The following NUDT9 variants were observed in gnomAD, a reference collection of about 807,000 sequenced individuals.
The protein encoded by NUDT9 is ADP-ribose pyrophosphatase.
In NUDT9, 31 loss-of-function variants were observed where a neutral mutation model predicts 41.0. The ratio of observed to expected loss-of-function variants is 0.76; its 90% CI spans 0.57 to 1.02. The LOEUF is 1.02. Ranked by LOEUF, NUDT9 falls within the 50% of genes least tolerant of loss-of-function variation. The pLI is 0.00. For missense variants in NUDT9, 380 were observed against 431.4 expected (o/e 0.88, Z 1.06); for synonymous variants, 146 against 147.6 (o/e 0.99, Z 0.08).
At position 87,457,980 on chromosome 4, in the gene NUDT9, CA is replaced by C; in HGVS notation, c.1013del (p.His338ProfsTer15). On this transcript the variant is annotated frameshift_variant, in exon 8 of 8. Coordinates refer to ENST00000302174, the MANE Select transcript of NUDT9 (RefSeq NM_024047.5). LOFTEE classifies it high-confidence loss of function. ...IKLVAEKRDAHWSEDSEADCH... is the reference protein window; with the variant it reads ...IKLVAEKRDAXWSEDSEADCH... ...ACTTGTGGCTGAGAAACGAGATGCA[CA>C]CTGGAGCGAGGACTCTGAAGCTGAC... 4 of 1,587,270 alleles carry C rather than the reference CA, an allele frequency of 2.5e-6. No individual in the cohort carries two copies. The highest frequency in any genetic ancestry group is 3.4e-6 in the Non-Finnish European group (4 of 1,170,170).
At position 87,422,720 on chromosome 4, in the gene NUDT9, T is replaced by C. The variant is rs1213391411; in HGVS notation, c.-186T>C. The C allele has an allele frequency of 2.1e-5, 10 of 477,480 alleles. No homozygotes were observed. Among genetic ancestry groups the C allele is most frequent in the Admixed American group, 4.2e-5 (1 of 23,950 alleles). The allele number at this position is 477,480 out of a possible 1,614,324, so 29.6% of individuals were successfully genotyped here. Reference sequence around the variant, plus strand: ...CACTGGGGAAAGCGGTGGACTCTTATCGTGGGAGGGCTCTTGATCTGTGAT... The same window carrying C: ...CACTGGGGAAAGCGGTGGACTCTTACCGTGGGAGGGCTCTTGATCTGTGAT... On this transcript the variant is annotated 5_prime_UTR_variant, in exon 1 of 8. Coordinates refer to ENST00000302174, the MANE Select transcript of NUDT9 (RefSeq NM_024047.5).
chr4:87,428,610 T>C (rs1721538313), intron 1 of NUDT9, among the ~76,000 whole-genome samples: 1 of 152,170 alleles, frequency 6.6e-6, no homozygotes, highest in Non-Finnish European at 1.5e-5. Flanking sequence ...AAATGCATAT[T>C]ATTAACTGAA....
chr4:87,457,795 A>G (rs1326460449), intron 7 of NUDT9, 48 bp from the exon 8 acceptor site: 3 of 1,540,904 alleles, frequency 1.9e-6, no homozygotes, highest in Non-Finnish European at 2.7e-6. Flanking sequence ...TAGATATGCT[A>G]AAACAGAAAT....
intron 7 of NUDT9, among the ~76,000 whole-genome samples, chr4:87,456,498 A>G (rs1173414622): frequency 6.6e-6 from 1 of 152,056 alleles, no homozygotes; most frequent in Non-Finnish European, 1.5e-5. Context: ...GTTAGAAAGG[A>G]GAGAGGATTT....
In NUDT9 at chr4:87,457,978, C is replaced by T. The variant is rs1454107042; in HGVS notation, c.1010C>T (p.Ala337Val). The T allele has an allele frequency of 1.3e-5, 21 of 1,586,976 alleles. No individual in the cohort carries two copies. Among genetic ancestry groups the T allele is most frequent in the Non-Finnish European group, 1.7e-5 (20 of 1,170,164 alleles). ...AAACTTGTGGCTGAGAAACGAGATGCACACTGGAGCGAGGACTCTGAAGCT... is the reference window on the plus strand; with the variant it reads ...AAACTTGTGGCTGAGAAACGAGATGTACACTGGAGCGAGGACTCTGAAGCT... The part of the protein sequence containing the change: ...FIKLVAEKRD[A>V]HWSEDSEADC... Residue 337 changes from alanine to valine, a missense_variant, in exon 8 of 8, where the codon GCA becomes GTA. Coordinates refer to ENST00000302174, the MANE Select transcript of NUDT9 (RefSeq NM_024047.5).
chr4:87,431,043 G>A (rs1293783754), intron 1 of NUDT9, among the ~76,000 whole-genome samples: 2 of 152,122 alleles, frequency 1.3e-5, no homozygotes, highest in African/African-American at 4.8e-5. Flanking sequence ...TTGTCAGCAT[G>A]TGTTCCTCTA....
chr4:87,435,548 T>C (rs1052584719), intron 2 of NUDT9, among the ~76,000 whole-genome samples: 6 of 152,258 alleles, frequency 3.9e-5, no homozygotes, highest in Admixed American at 6.5e-5. Context: ...TTTTCATGTG[T>C]TCTATTTGGG....
At chr4:87,425,713 A>G (rs554727319) in intron 1 of NUDT9, among the ~76,000 whole-genome samples, 1,567 of 57,840 alleles carry the variant, frequency 0.027, 26 homozygotes, top group African/African-American at 0.047. Flanking sequence ...TGTCTCTTTG[A>G]AAAAAAAAAA....
intron 7 of NUDT9, among the ~76,000 whole-genome samples, chr4:87,456,545 A>C (rs1008757316): frequency 4.6e-5 from 7 of 152,130 alleles, no homozygotes; most frequent in African/African-American, 1.7e-4. Flanking sequence ...CTTGGAGGTA[A>C]AGCTCACTAA....
At chr4:87,423,621 T>A (rs1397856964) in intron 1 of NUDT9, among the ~76,000 whole-genome samples, 1 of 152,214 alleles carries the variant, frequency 6.6e-6, no homozygotes, top group Non-Finnish European at 1.5e-5. Flanking sequence ...AAGTCTTGAA[T>A]CTACAAAGAT....
At chr4:87,452,394 T>G (rs1453174606) in intron 6 of NUDT9, among the ~76,000 whole-genome samples, 3 of 152,200 alleles carry the variant, frequency 2.0e-5, no homozygotes, top group Admixed American at 6.5e-5. Flanking sequence ...AACATTTACA[T>G]TTTAAATTAT....
chr4:87,441,554 G>T (rs1722201426), intron 3 of NUDT9, among the ~76,000 whole-genome samples: 1 of 152,156 alleles, frequency 6.6e-6, no homozygotes, highest in Admixed American at 6.5e-5. Context: ...TAGGAGTATA[G>T]GTGAAAACTG....
At chr4:87,428,427 CAG>C (rs1247561779) in intron 1 of NUDT9, among the ~76,000 whole-genome samples, 1 of 152,168 alleles carries the variant, frequency 6.6e-6, no homozygotes, top group Non-Finnish European at 1.5e-5. Flanking sequence ...AACCTGCACA[CAG>C]ATGTTTATAG....
rs547820490 is a variant in NUDT9 at position 87,446,653 on chromosome 4, C to G, written c.531-2489C>G. 5.3e-5 allele frequency among the ~76,000 whole-genome samples: 8 copies of G among 152,256 alleles called. No individual in the cohort carries two copies. The South Asian group carries it at 1.2e-3, about 24-fold the overall frequency. ...CCAGGTTCAAAGTTGTGTTTACGCC[C>G]TTGTTAACACTGTAGTCTTGGGGAA... is the stretch of plus-strand genomic sequence containing the variant. On this transcript the variant is annotated intron_variant, in intron 4 of 7. Transcript: ENST00000302174.
intron 4 of NUDT9, among the ~76,000 whole-genome samples, chr4:87,446,547 C>T (rs1268137616): frequency 1.3e-5 from 2 of 152,040 alleles, no homozygotes. Context: ...TTCCTCTTAT[C>T]TAATTAGTGT....
chr4:87,442,733 G>A (rs1209671595), intron 4 of NUDT9, among the ~76,000 whole-genome samples: 1 of 151,958 alleles, frequency 6.6e-6, no homozygotes, highest in Non-Finnish European at 1.5e-5. Flanking sequence ...TAAAAACTAA[G>A]ACACAAACAC....
chr4:87,424,711 A>G (rs78401731), intron 1 of NUDT9, among the ~76,000 whole-genome samples: 2,177 of 152,000 alleles, frequency 0.014, 48 homozygotes, highest in African/African-American at 0.05. Context: ...CCCTTTATCT[A>G]TCTTTATCTT....
At chr4:87,441,642 G>A (rs550772499) in intron 3 of NUDT9, among the ~76,000 whole-genome samples, 187 bp from the exon 4 acceptor site, 3 of 152,252 alleles carry the variant, frequency 2.0e-5, no homozygotes, top group Non-Finnish European at 4.4e-5. Context: ...TATCACATGC[G>A]CAAAAGAAAA....
intron 1 of NUDT9, among the ~76,000 whole-genome samples, chr4:87,427,431 C>G (rs1430302058): frequency 6.6e-6 from 1 of 152,164 alleles, no homozygotes; most frequent in Non-Finnish European, 1.5e-5. Context: ...AAGGTCAAGG[C>G]TGTATATGTG....
Sources: allele counts gnomAD v4.1 joint callset (sites outside exome capture counted in the v4.1 genomes callset), GRCh38; gene constraint gnomAD v4.1.1; transcripts MANE v1.5; gene names NCBI Gene and HGNC (gene_info 2026-07-23, HGNC 2026-07-21).